Variants in TTC12 observed in about 807,000 individuals in gnomAD.
The protein encoded by TTC12 is tetratricopeptide repeat protein 12.
Under a neutral mutation model 90.1 loss-of-function variants are expected in TTC12, and 70 were observed. The observed-to-expected ratio is 0.78, with a 90% CI of 0.64 to 0.95. The LOEUF (loss-of-function observed/expected upper bound fraction) is 0.95, where lower values mean the gene tolerates loss of function less well. TTC12 is among the 40% of genes least tolerant of loss of function. The pLI is 0.00. For synonymous variants in TTC12, 296 were observed against 311.5 expected (o/e 0.95, Z 0.53); for missense variants, 819 against 846.1 (o/e 0.97, Z 0.40).
At chr11:113,354,164 T>C (rs1555151568) in intron 16 of TTC12, among the ~76,000 whole-genome samples, 2 of 152,172 alleles carry the variant, frequency 1.3e-5, no homozygotes, top group African/African-American at 2.4e-5. Flanking sequence ...GTTCTTCTTG[T>C]GGAGATCTCT....
At chr11:113,316,783 TTC>T (rs1360862428) in intron 2 of TTC12, among the ~76,000 whole-genome samples, 3 of 152,178 alleles carry the variant, frequency 2.0e-5, no homozygotes, top group South Asian at 2.1e-4. Flanking sequence ...CATCATTCCC[TTC>T]TCTCTCTCTA....
At chr11:113,323,511 C>A in intron 3 of TTC12, 60 bp downstream of exon 3, 2 of 1,211,826 alleles carry the variant, frequency 1.7e-6, no homozygotes, top group African/African-American at 1.5e-5. Context: ...TACACCTAGG[C>A]AGTAGTTTAA....
At chr11:113,330,572 A>G (rs781971215) in intron 7 of TTC12, among the ~76,000 whole-genome samples, 25 of 152,196 alleles carry the variant, frequency 1.6e-4, no homozygotes, top group Non-Finnish European at 3.2e-4. Context: ...AAGAGAAATA[A>G]TACGATCACT....
chr11:113,322,914 T>A (rs1947429989), intron 2 of TTC12, among the ~76,000 whole-genome samples: 1 of 152,176 alleles, frequency 6.6e-6, no homozygotes, highest in Non-Finnish European at 1.5e-5. Flanking sequence ...TACTTACATG[T>A]TTGTCTCCCA....
At chr11:113,344,943 A>T (rs1555147608) in intron 13 of TTC12, among the ~76,000 whole-genome samples, 1 of 152,182 alleles carries the variant, frequency 6.6e-6, no homozygotes, top group African/African-American at 2.4e-5. Flanking sequence ...GAATGTGTGT[A>T]CCCTAAGTAG....
At chr11:113,338,271 A>T (rs1218775917) in intron 8 of TTC12, among the ~76,000 whole-genome samples, 1 of 152,124 alleles carries the variant, frequency 6.6e-6, no homozygotes, top group African/African-American at 2.4e-5. Context: ...TGAGTTTTCC[A>T]GCTGACTCTT....
chr11:113,317,701 C>T (rs1162469549), intron 2 of TTC12, among the ~76,000 whole-genome samples: 6 of 152,116 alleles, frequency 3.9e-5, no homozygotes, highest in Admixed American at 3.3e-4. Flanking sequence ...TATCTCCCTA[C>T]CTCACGCTTG....
At chr11:113,347,836 G>C (rs561674436) in intron 13 of TTC12, among the ~76,000 whole-genome samples, 7 of 152,140 alleles carry the variant, frequency 4.6e-5, no homozygotes, top group Non-Finnish European at 8.8e-5. Flanking sequence ...CCTGTCATCT[G>C]TCTTTCTTAA....
At chr11:113,323,094 T>C (rs1947443321) in intron 2 of TTC12, among the ~76,000 whole-genome samples, 194 bp from the exon 3 acceptor site, 1 of 149,474 alleles carries the variant, frequency 6.7e-6, no homozygotes, top group Non-Finnish European at 1.5e-5. Flanking sequence ...CCTGCAACTT[T>C]TTCTAGGCAA....
At chr11:113,353,473 C>T (rs1450552885) in intron 16 of TTC12, among the ~76,000 whole-genome samples, 1 of 152,104 alleles carries the variant, frequency 6.6e-6, no homozygotes, top group African/African-American at 2.4e-5. Flanking sequence ...TTAATTAGAT[C>T]TCATTTGTCA....
At position 113,352,173 on chromosome 11, in the gene TTC12, G is replaced by C. The variant is rs782012795; in HGVS notation, c.1412G>C (p.Cys471Ser). The C allele has an allele frequency of 6.2e-7, 1 of 1,614,238 alleles. No individual in the cohort carries two copies. Residue 471 changes from cysteine to serine, a missense_variant, in exon 16 of 22, where the codon TGT becomes TCT. Cys to Ser is a moderately radical substitution (Grantham distance 112). Transcript: ENST00000529221. ...ACTACCCGAAGACACATGGCGGCCT[G>C]TGAGGAATTTGGGGATGGCTGCTTG... is the stretch of plus-strand genomic sequence containing the variant. ...EPTTRRHMAACEEFGDGCLSL... is the reference protein window; with the variant it reads ...EPTTRRHMAASEEFGDGCLSL...
At chr11:113,367,169 T>A (rs1950244989), downstream of TTC12, among the ~76,000 whole-genome samples, 1 of 152,206 alleles carries the variant, frequency 6.6e-6, no homozygotes, top group Non-Finnish European at 1.5e-5. Context: ...TATCTCTGGC[T>A]CCTTACAATC....
chr11:113,335,460 TA>T (rs1200465130), intron 8 of TTC12, among the ~76,000 whole-genome samples: 32 of 152,188 alleles, frequency 2.1e-4, no homozygotes, highest in Admixed American at 7.8e-4. Flanking sequence ...TAGAATATAC[TA>T]AAAACTATAT....
intron 7 of TTC12, among the ~76,000 whole-genome samples, chr11:113,332,820 T>G (rs1465606548): frequency 2.0e-5 from 3 of 152,172 alleles, no homozygotes; most frequent in African/African-American, 7.2e-5. Flanking sequence ...ACTTTCCCAC[T>G]CCCTGCCCTA....
At chr11:113,332,814 T>C (rs538954640) in intron 7 of TTC12, among the ~76,000 whole-genome samples, 59 of 152,332 alleles carry the variant, frequency 3.9e-4, no homozygotes, top group Admixed American at 1.3e-4. Context: ...ACTCAGACTT[T>C]CCCACTCCCT....
chr11:113,317,317 C>G (rs1947002887), intron 2 of TTC12, among the ~76,000 whole-genome samples: 1 of 152,166 alleles, frequency 6.6e-6, no homozygotes, highest in Non-Finnish European at 1.5e-5. Context: ...TTGCCCTCCC[C>G]CTCCCAAATA....
chr11:113,358,996 A>T (rs1332675904), intron 16 of TTC12, among the ~76,000 whole-genome samples: 4 of 150,776 alleles, frequency 2.7e-5, no homozygotes, highest in Non-Finnish European at 5.9e-5. Context: ...CATGTCAGTC[A>T]TCTCTGTCCC....
At chr11:113,343,425 G>A (rs886664753) in intron 12 of TTC12, among the ~76,000 whole-genome samples, 2 of 152,224 alleles carry the variant, frequency 1.3e-5, no homozygotes, top group Non-Finnish European at 2.9e-5. Flanking sequence ...GGATTGAGAT[G>A]TAATGTTTGC....
At position 113,350,155 on chromosome 11, in the gene TTC12, C is replaced by A; in HGVS notation, c.1237C>A (p.Leu413Met). 1 of 1,610,818 alleles carries A rather than the reference C, an allele frequency of 6.2e-7. No individual in the cohort carries two copies. The part of the protein sequence containing the change: ...TAMGLFTDLA[L>M]EERFQVWFQA... ...TATGGGACTGTTCACAGACTTGGCT[C>A]TGGAAGAAAGGTAATTTTTTTATTT... The change falls in exon 14 of 22, where the codon CTG becomes ATG. Residue 413 changes from leucine (L) to methionine (M), a missense_variant. By Grantham distance (15) the Leu-to-Met change is conservative. Coordinates refer to ENST00000529221, the MANE Select transcript of TTC12 (RefSeq NM_017868.4).
Sources: allele counts gnomAD v4.1 joint callset (sites outside exome capture counted in the v4.1 genomes callset), GRCh38; gene constraint gnomAD v4.1.1; transcripts MANE v1.5; gene names NCBI Gene and HGNC (gene_info 2026-07-23, HGNC 2026-07-21).